The following MAF variants were observed in gnomAD, a reference collection of about 807,000 sequenced individuals.
MAF encodes MAF bZIP transcription factor, also known as transcription factor Maf.
MAF carries 10 observed loss-of-function variants against 22.0 expected under a neutral mutation model. The ratio of observed to expected loss-of-function variants is 0.45; its 90% confidence interval spans 0.28 to 0.77. The LOEUF is 0.77. Among genes scored for constraint, MAF ranks in the 30% least tolerant of loss-of-function variants. MAF has a pLI of 0.12. For missense variants in MAF, 544 were observed against 548.4 expected, an observed-to-expected ratio of 0.99 and a Z score of 0.08; for synonymous variants, 337 against 255.8, an observed-to-expected ratio of 1.32 and a Z score of -3.03.
chr16:79,212,822 TGA>T, the MAF span: 1 of 152,174 alleles, frequency 6.6e-6, no homozygotes. Flanking sequence ...CTTCTCTGAG[TGA>T]GTTTGTGTTT....
chr16:79,269,906 T>A, the MAF span, among the ~76,000 whole-genome samples: 2 of 152,176 alleles, frequency 1.3e-5, no homozygotes, highest in East Asian at 3.9e-4. Context: ...TCTTGCATAT[T>A]TCCATAAAAT....
At chr16:79,523,348 T>C in the MAF span, among the ~76,000 whole-genome samples, 1 of 152,216 alleles carries the variant, frequency 6.6e-6, no homozygotes, top group African/African-American at 2.4e-5. Context: ...TACAGAGGAC[T>C]TTTCTGTGTA....
downstream of MAF, among the ~76,000 whole-genome samples, chr16:79,585,485 C>A (rs1912781006): frequency 6.6e-6 from 1 of 151,970 alleles, no homozygotes; most frequent in Non-Finnish European, 1.5e-5. Context: ...ACTAGTTTCA[C>A]AGATTCACCC....
the MAF span, among the ~76,000 whole-genome samples, chr16:79,469,465 A>G: frequency 2.0e-5 from 3 of 152,206 alleles, no homozygotes; most frequent in Non-Finnish European, 4.4e-5. Flanking sequence ...TTCCTCCTCT[A>G]TAAGTAGAGA....
chr16:79,427,744 G>T, the MAF span, among the ~76,000 whole-genome samples: 2 of 151,910 alleles, frequency 1.3e-5, no homozygotes, highest in Admixed American at 1.3e-4. Context: ...TCTGAATTCC[G>T]CATCCCAGCC....
chr16:79,519,510 G>C, the MAF span, among the ~76,000 whole-genome samples: 9 of 152,170 alleles, frequency 5.9e-5, no homozygotes, highest in African/African-American at 2.2e-4. Flanking sequence ...GCACGAAGCA[G>C]CATGTTCTGG....
At chr16:79,576,310 A>G in the MAF span, among the ~76,000 whole-genome samples, 1,414 of 151,528 alleles carry the variant, frequency 9.3e-3, 24 homozygotes, top group African/African-American at 0.033. Flanking sequence ...TACAATGTGA[A>G]TTCCATCAGG....
At chr16:79,589,810 G>A (rs1913080459), downstream of MAF, among the ~76,000 whole-genome samples, 1 of 152,198 alleles carries the variant, frequency 6.6e-6, no homozygotes, top group Non-Finnish European at 1.5e-5. Context: ...GGGAGCTTGG[G>A]TGGGCGCGGG....
At chr16:79,415,322 A>G in the MAF span, among the ~76,000 whole-genome samples, 1 of 148,516 alleles carries the variant, frequency 6.7e-6, no homozygotes, top group Non-Finnish European at 1.5e-5. Flanking sequence ...ACGGAAGGAG[A>G]GAAGGAAGGA....
chr16:79,319,615 T>C, the MAF span, among the ~76,000 whole-genome samples: 1 of 152,230 alleles, frequency 6.6e-6, no homozygotes, highest in Non-Finnish European at 1.5e-5. Flanking sequence ...GGTGGGATTC[T>C]TGGCATTTCT....
the MAF span, among the ~76,000 whole-genome samples, chr16:79,437,139 T>G: frequency 1.3e-4 from 4 of 30,878 alleles, no homozygotes; most frequent in South Asian, 3.6e-3. Flanking sequence ...GAAAGCTCTC[T>G]CTCTCTCTGT....
chr16:79,299,360 A>G, the MAF span, among the ~76,000 whole-genome samples: 253 of 150,940 alleles, frequency 1.7e-3, 2 homozygotes, highest in African/African-American at 5.7e-3. Context: ...AAAAAAAAAA[A>G]AAGAAAAAAA....
chr16:79,424,211 C>A, the MAF span, among the ~76,000 whole-genome samples: 1 of 152,082 alleles, frequency 6.6e-6, no homozygotes, highest in African/African-American at 2.4e-5. Flanking sequence ...CCCTGTTTGT[C>A]TGAAGGAAAA....
chr16:79,345,717 A>G, the MAF span, among the ~76,000 whole-genome samples: 1 of 109,298 alleles, frequency 9.1e-6, no homozygotes, highest in Non-Finnish European at 1.8e-5. Flanking sequence ...ACAGAGCAAG[A>G]CTCCGTCTCA....
At chr16:79,295,330 G>A in the MAF span, among the ~76,000 whole-genome samples, 1 of 152,210 alleles carries the variant, frequency 6.6e-6, no homozygotes, top group African/African-American at 2.4e-5. Context: ...CTGAGTCCGG[G>A]TAGGCTCAGA....
the MAF span, among the ~76,000 whole-genome samples, chr16:79,357,990 T>G: frequency 6.6e-6 from 1 of 152,128 alleles, no homozygotes; most frequent in African/African-American, 2.4e-5. Context: ...TTGGACACCG[T>G]GTGAAGGTAC....
At chr16:79,347,282 C>T in the MAF span, among the ~76,000 whole-genome samples, 3 of 152,218 alleles carry the variant, frequency 2.0e-5, no homozygotes, top group African/African-American at 7.2e-5. Context: ...CAGACCCAGG[C>T]CTCCCTCTAT....
At chr16:79,544,666 C>T in the MAF span, among the ~76,000 whole-genome samples, 1 of 149,496 alleles carries the variant, frequency 6.7e-6, no homozygotes, top group African/African-American at 2.5e-5. Flanking sequence ...CCCAGCTACT[C>T]GGGAGGCTGA....
the MAF span, among the ~76,000 whole-genome samples, chr16:79,544,540 C>T: frequency 1.3e-5 from 2 of 152,034 alleles, no homozygotes; most frequent in South Asian, 2.1e-4. Flanking sequence ...TTTGAGAGAC[C>T]GAGTTGGGTG....
Sources: allele counts gnomAD v4.1 joint callset (sites outside exome capture counted in the v4.1 genomes callset), GRCh38; gene constraint gnomAD v4.1.1; transcripts MANE v1.5; gene names NCBI Gene and HGNC (gene_info 2026-07-23, HGNC 2026-07-21).